Variants in CACNA1C observed in about 807,000 individuals in gnomAD.
The protein encoded by CACNA1C is voltage-dependent L-type calcium channel subunit alpha-1C.
Under a neutral mutation model 229.0 loss-of-function variants are expected in CACNA1C, and 30 were observed. That is an observed-to-expected ratio of 0.13 (90% confidence interval 0.10 to 0.18). CACNA1C has a LOEUF of 0.18. Among genes scored for constraint, CACNA1C ranks in the 10% least tolerant of loss-of-function variants. The probability of loss-of-function intolerance (pLI) is 1.00; values close to 1 mark genes in which losing one functional copy is unlikely to be tolerated. For missense variants in CACNA1C, 1,658 were observed against 2,845.0 expected (o/e 0.58, Z 9.49); for synonymous variants, 1,114 against 1,132.5 (o/e 0.98, Z 0.33).
At chr12:2,475,626 G>A (rs2099622910) in intron 5 of CACNA1C, among the ~76,000 whole-genome samples, 1 of 152,148 alleles carries the variant, frequency 6.6e-6, no homozygotes, top group Admixed American at 6.5e-5. Context: ...TGGCACAGCT[G>A]AAAACAGTTA....
At chr12:1,994,944 G>T (rs2040436475) in intron 1 of CACNA1C, among the ~76,000 whole-genome samples, 1 of 132,710 alleles carries the variant, frequency 7.5e-6, no homozygotes, top group Admixed American at 9.0e-5. Context: ...CATGCTTTTT[G>T]TAATTCGCTA....
intron 3 of CACNA1C, among the ~76,000 whole-genome samples, chr12:2,279,853 G>T (rs2090422555): frequency 6.6e-6 from 1 of 152,192 alleles, no homozygotes; most frequent in Non-Finnish European, 1.5e-5. Context: ...ATGTGGATAG[G>T]TTATATGCAA....
intron 9 of CACNA1C, among the ~76,000 whole-genome samples, chr12:2,535,704 TAAAAAA>T (rs758857733): frequency 8.3e-3 from 305 of 36,540 alleles, no homozygotes; most frequent in Middle Eastern, 0.022. Context: ...AGACCCTGTC[TAAAAAA>T]AAAAAAAAAA....
Position 2,486,267 on chromosome 12 carries a change from G to A in CACNA1C, c.916+5G>A. ...ACAACCAGGAGGGCATAGCAGGTAA[G>A]AGGGGCAGGCGGCTGCGCTCCCAAG... On this transcript the variant is annotated splice_donor_5th_base_variant and intron_variant, in intron 6 of 46. Transcript: ENST00000399655. The surrounding 1 kb of genome is among the most constrained non-coding windows in gnomAD (Gnocchi z 4.9). 6.2e-7 allele frequency: 1 copy of A among 1,612,104 alleles called. No homozygotes were observed. The highest frequency in any genetic ancestry group is 8.5e-7 in the Non-Finnish European group (1 of 1,178,712).
chr12:2,116,564 T>G (rs753273624), intron 2 of CACNA1C, among the ~76,000 whole-genome samples: 3 of 152,144 alleles, frequency 2.0e-5, no homozygotes, highest in Non-Finnish European at 4.4e-5. Context: ...AAACGGGGTT[T>G]CACCGTGTTA....
At chr12:2,425,638 C>T (rs1046878134) in intron 3 of CACNA1C, among the ~76,000 whole-genome samples, 2 of 152,218 alleles carry the variant, frequency 1.3e-5, no homozygotes, top group African/African-American at 4.8e-5. Context: ...CCTTTTGCAG[C>T]CAGTCTTTAG....
intron 3 of CACNA1C, among the ~76,000 whole-genome samples, chr12:2,424,897 C>T (rs1180770547): frequency 6.6e-6 from 1 of 152,244 alleles, no homozygotes; most frequent in Admixed American, 6.5e-5. Context: ...TCTGCAGTGT[C>T]ACAGGGCTGT....
intron 10 of CACNA1C, among the ~76,000 whole-genome samples, chr12:2,556,460 G>T (rs1222973430): frequency 6.6e-6 from 1 of 152,212 alleles, no homozygotes; most frequent in Admixed American, 6.5e-5. Context: ...TTGGGTGGGG[G>T]CTGTTGTGGC....
chr12:2,153,194 A>G (rs956900649), intron 3 of CACNA1C, among the ~76,000 whole-genome samples: 8 of 152,172 alleles, frequency 5.3e-5, no homozygotes, highest in Non-Finnish European at 8.8e-5. Flanking sequence ...TGCAAAGCCT[A>G]TTGGGACTTG....
At position 2,287,313 on chromosome 12, in the gene CACNA1C, G is replaced by A. The variant is rs1038806417; in HGVS notation, c.478-161663G>A. 4.6e-5 allele frequency among the ~76,000 whole-genome samples: 7 copies of A among 152,214 alleles called. No homozygotes were observed. The highest frequency in any genetic ancestry group is 1.5e-5 in the Non-Finnish European group (1 of 68,038). ...CTCGTCTGGATTGTGATTGCGACCC[G>A]TGCCTCATGGAGTGTCGCTGGATAC... On this transcript the variant is annotated intron_variant, in intron 3 of 46. Transcript: ENST00000399655. The surrounding 1 kb of genome is among the most constrained non-coding windows in gnomAD (Gnocchi z 4.6).
At chr12:2,077,162 A>G (rs886943356) in intron 1 of CACNA1C, among the ~76,000 whole-genome samples, 1 of 152,250 alleles carries the variant, frequency 6.6e-6, no homozygotes, top group African/African-American at 2.4e-5. Context: ...TGGTAGGTTG[A>G]TGAGAGTTTC....
intron 3 of CACNA1C, among the ~76,000 whole-genome samples, chr12:2,245,196 A>G (rs2072567861): frequency 6.6e-6 from 1 of 152,230 alleles, no homozygotes; most frequent in Non-Finnish European, 1.5e-5. Context: ...AGGTGGTTCA[A>G]TTAATGGCAT....
At chr12:2,320,687 G>C (rs888660481) in intron 3 of CACNA1C, among the ~76,000 whole-genome samples, 1 of 152,180 alleles carries the variant, frequency 6.6e-6, no homozygotes, top group African/African-American at 2.4e-5. Flanking sequence ...CCCCCTCCAA[G>C]GCCACCTCTT....
Position 2,632,177 on chromosome 12 carries a change from C to T in CACNA1C, c.3829-2120C>T, listed in dbSNP as rs2090730880. On this transcript the variant is annotated intron_variant, in intron 29 of 46. Coordinates refer to ENST00000399655, the MANE Select transcript of CACNA1C (RefSeq NM_000719.7). The surrounding 1 kb of genome is among the most constrained non-coding windows in gnomAD (Gnocchi z 4.1). Reference sequence around the variant, plus strand: ...GTGGCCAGCCCTGTCTTGTCCCCTTCGCAGACCATTTCTAAACTAAAGGCG... The same window carrying T: ...GTGGCCAGCCCTGTCTTGTCCCCTTTGCAGACCATTTCTAAACTAAAGGCG... 6.6e-6 allele frequency among the ~76,000 whole-genome samples: 1 copy of T among 152,028 alleles called. No homozygotes were observed. Among genetic ancestry groups the T allele is most frequent in the Non-Finnish European group, 1.5e-5 (1 of 68,012 alleles).
chr12:2,435,955 G>A (rs532028976), intron 3 of CACNA1C, among the ~76,000 whole-genome samples: 4 of 152,342 alleles, frequency 2.6e-5, no homozygotes, highest in Admixed American at 2.0e-4. Flanking sequence ...AAAGGAGACC[G>A]AGAGGCTGGG....
chr12:2,028,105 A>G (rs1421737829), intron 1 of CACNA1C, among the ~76,000 whole-genome samples: 2 of 152,256 alleles, frequency 1.3e-5, no homozygotes, highest in African/African-American at 4.8e-5. Flanking sequence ...GTTTTCCCAC[A>G]GTGTTAAAGA....
intron 3 of CACNA1C, among the ~76,000 whole-genome samples, chr12:2,409,454 A>G (rs1034253198): frequency 1.3e-5 from 2 of 152,238 alleles, no homozygotes; most frequent in Non-Finnish European, 2.9e-5. Flanking sequence ...GAATGGAGGT[A>G]TCACCGTAGG....
At chr12:2,422,114 C>G (rs1312257299) in intron 3 of CACNA1C, among the ~76,000 whole-genome samples, 3 of 152,134 alleles carry the variant, frequency 2.0e-5, no homozygotes, top group Non-Finnish European at 4.4e-5. Flanking sequence ...CAAAATGCGG[C>G]CCATTCAGTT....
Position 2,486,804 on chromosome 12 carries a change from A to T in CACNA1C, c.916+542A>T, listed in dbSNP as rs893173474. On this transcript the variant is annotated intron_variant, in intron 6 of 46. Transcript: ENST00000399655. This position sits in a 1 kb window ranked among gnomAD's most constrained non-coding sequence, Gnocchi z 4.9. ...CACAGGCAGATGCCCCAGAGCCCCT[A>T]TTCCAGGTGGGGGAGGAGGGCAGGT... 1.3e-5 allele frequency among the ~76,000 whole-genome samples: 2 copies of T among 152,144 alleles called. No individual in the cohort carries two copies. The highest frequency in any genetic ancestry group is 4.8e-5 in the African/African-American group (2 of 41,428).
Sources: allele counts gnomAD v4.1 joint callset (sites outside exome capture counted in the v4.1 genomes callset), GRCh38; gene constraint gnomAD v4.1.1; non-coding constraint Gnocchi (gnomAD v3.1); transcripts MANE v1.5; gene names NCBI Gene and HGNC (gene_info 2026-07-23, HGNC 2026-07-21).